The following MAP2K1 variants were observed in gnomAD, a reference collection of about 807,000 sequenced individuals.
The protein encoded by MAP2K1 is dual specificity mitogen-activated protein kinase kinase 1.
In MAP2K1, 16 loss-of-function variants were observed where a neutral mutation model predicts 46.3. The ratio of observed to expected loss-of-function variants is 0.35; its 90% CI spans 0.23 to 0.52. MAP2K1 has a LOEUF of 0.52. Ranked by LOEUF, MAP2K1 falls within the 20% of genes least tolerant of loss-of-function variation. MAP2K1 has a pLI of 0.94. For synonymous variants in MAP2K1, 183 were observed against 185.6 expected, an observed-to-expected ratio of 0.99 and a Z score of 0.11; for missense variants, 263 against 497.1, an observed-to-expected ratio of 0.53 and a Z score of 4.48.
In MAP2K1 at chr15:66,482,187, T is replaced by C. The variant is rs529627855; in HGVS notation, c.693+308T>C. On this transcript the variant is annotated intron_variant, in intron 6 of 10. Coordinates refer to ENST00000307102, the MANE Select transcript of MAP2K1 (RefSeq NM_002755.4). ...CCCTCTGGGCATCTCTACATGATAGTCTTCAGATCCACAAACCCAGGATGC... is the reference window on the plus strand; with the variant it reads ...CCCTCTGGGCATCTCTACATGATAGCCTTCAGATCCACAAACCCAGGATGC... Among the ~76,000 whole-genome samples the C allele has an allele frequency of 2.0e-5, 3 of 152,276 alleles. No individual in the cohort carries two copies. The East Asian group carries it at 5.8e-4, about 29-fold the overall frequency.
At chr15:66,487,695 GCAC>G (rs1277623424) in intron 8 of MAP2K1, among the ~76,000 whole-genome samples, 2 of 152,116 alleles carry the variant, frequency 1.3e-5, no homozygotes, top group African/African-American at 2.4e-5. Flanking sequence ...TTTATACTAA[GCAC>G]CATGGGCTGT....
intron 1 of MAP2K1, among the ~76,000 whole-genome samples, chr15:66,427,153 A>C (rs764764842): frequency 6.6e-4 from 100 of 152,252 alleles, no homozygotes; most frequent in Non-Finnish European, 1.3e-3. Context: ...AATAAGTAAA[A>C]AGTGGTTGTA....
chr15:66,429,712 G>A (rs916895131), intron 1 of MAP2K1, among the ~76,000 whole-genome samples: 11 of 141,724 alleles, frequency 7.8e-5, no homozygotes, highest in African/African-American at 2.4e-4. Flanking sequence ...AGCCTGGGGT[G>A]GAATCTGGAA....
chr15:66,402,694 C>G (rs1173355921), intron 1 of MAP2K1, among the ~76,000 whole-genome samples: 1 of 151,856 alleles, frequency 6.6e-6, no homozygotes, highest in African/African-American at 2.4e-5. Flanking sequence ...TCCATCTCGA[C>G]TATGGTTTGT....
intron 1 of MAP2K1, among the ~76,000 whole-genome samples, chr15:66,416,426 C>T (rs1183640248): frequency 6.6e-6 from 1 of 151,952 alleles, no homozygotes; most frequent in East Asian, 1.9e-4. Flanking sequence ...TTGTTGTCTT[C>T]ATAGCCTAGC....
chr15:66,487,810 C>T (rs751950435), intron 8 of MAP2K1, among the ~76,000 whole-genome samples: 1 of 152,046 alleles, frequency 6.6e-6, no homozygotes, highest in Non-Finnish European at 1.5e-5. Flanking sequence ...CCATCCTCTA[C>T]TGCTGGGGAC....
In MAP2K1 at chr15:66,387,084, G is replaced by T. The variant is rs545081204; in HGVS notation, c.-264G>T. The stretch of plus-strand genomic sequence containing the variant: ...GGAATCCCGGGCTGCCGAACCGCAC[G>T]TTCAGCCCGCTCCGCTCCTGCAGGG... On this transcript the variant is annotated 5_prime_UTR_variant, in exon 1 of 11. Coordinates refer to ENST00000307102, the MANE Select transcript of MAP2K1 (RefSeq NM_002755.4). 1.2e-4 allele frequency: 47 copies of T among 398,512 alleles called. No homozygotes were observed. The East Asian group carries it at 1.9e-3, about 16-fold the overall frequency. The allele number at this position is 398,512 out of a possible 1,614,324, so 24.7% of individuals were successfully genotyped here. A position where few individuals can be genotyped will look rare whatever the true frequency, so the allele number is the denominator to read the frequency against.
chr15:66,402,026 T>C, intron 1 of MAP2K1: 1 of 1,324,640 alleles, frequency 7.5e-7, no homozygotes, highest in Non-Finnish European at 9.9e-7. Flanking sequence ...TTCTGATCAT[T>C]TTAAAGTATT....
At chr15:66,428,878 C>T (rs1052727953) in intron 1 of MAP2K1, among the ~76,000 whole-genome samples, 39 of 143,886 alleles carry the variant, frequency 2.7e-4, no homozygotes, top group African/African-American at 1.0e-3. Context: ...CTCCCAGGCT[C>T]TGGTAATTCT....
At chr15:66,404,122 C>A (rs924441135) in intron 1 of MAP2K1, among the ~76,000 whole-genome samples, 3 of 152,204 alleles carry the variant, frequency 2.0e-5, no homozygotes, top group African/African-American at 7.2e-5. Flanking sequence ...TCCTGCTAAT[C>A]AGGCACTCAT....
At position 66,484,905 on chromosome 15, in the gene MAP2K1, G is replaced by A. The variant is rs1490773158; in HGVS notation, c.694-85G>A. 9.7e-6 allele frequency: 11 copies of A among 1,132,740 alleles called. No homozygotes were observed. The East Asian group carries it at 2.6e-4, about 26-fold the overall frequency. 70.2% of individuals were successfully genotyped at this position (1,132,740 alleles called of 1,614,324 possible). On this transcript the variant is annotated intron_variant, in intron 6 of 10. Coordinates refer to ENST00000307102, the MANE Select transcript of MAP2K1 (RefSeq NM_002755.4). ...CTCTTGAAACAGGATATGAACTATTGAGAAGGGACAGAAGAGAAAATGCAT... is the reference window on the plus strand; with the variant it reads ...CTCTTGAAACAGGATATGAACTATTAAGAAGGGACAGAAGAGAAAATGCAT...
chr15:66,459,426 G>T (rs1892258433), intron 5 of MAP2K1, among the ~76,000 whole-genome samples: 1 of 151,788 alleles, frequency 6.6e-6, no homozygotes, highest in Non-Finnish European at 1.5e-5. Flanking sequence ...AAAACAGCTT[G>T]ACCAACATGG....
chr15:66,416,450 A>G (rs2093424869), intron 1 of MAP2K1, among the ~76,000 whole-genome samples: 1 of 151,816 alleles, frequency 6.6e-6, no homozygotes, highest in Non-Finnish European at 1.5e-5. Context: ...TAGTATACAT[A>G]GTGCTTGTCA....
chr15:66,480,405 C>T (rs1057337570), intron 5 of MAP2K1, among the ~76,000 whole-genome samples: 27 of 151,964 alleles, frequency 1.8e-4, no homozygotes, highest in African/African-American at 6.5e-4. Context: ...TTCAATTTGT[C>T]CTTGGAAAGA....
At chr15:66,453,874 C>CT (rs1349874267) in intron 5 of MAP2K1, among the ~76,000 whole-genome samples, 1 of 152,162 alleles carries the variant, frequency 6.6e-6, no homozygotes, top group East Asian at 1.9e-4. Flanking sequence ...TCATGGCTCA[C>CT]TATAGCCTTG....
intron 3 of MAP2K1, among the ~76,000 whole-genome samples, chr15:66,439,560 A>C (rs560090650): frequency 4.6e-5 from 7 of 152,192 alleles, no homozygotes; most frequent in South Asian, 2.1e-4. Context: ...TGAGGTCAGG[A>C]GTTCGAGACC....
At chr15:66,396,495 C>T (rs187303940) in intron 1 of MAP2K1, among the ~76,000 whole-genome samples, 2 of 151,944 alleles carry the variant, frequency 1.3e-5, no homozygotes, top group African/African-American at 4.8e-5. Flanking sequence ...GTCTCGAACT[C>T]CTGACCTCAG....
chr15:66,441,710 A>G (rs959652849), intron 3 of MAP2K1, among the ~76,000 whole-genome samples: 1 of 151,444 alleles, frequency 6.6e-6, no homozygotes, highest in Non-Finnish European at 1.5e-5. Context: ...CTCCCTAAGG[A>G]GAGAGTGTGT....
At chr15:66,393,980 C>T (rs1006368265) in intron 1 of MAP2K1, among the ~76,000 whole-genome samples, 34 of 152,172 alleles carry the variant, frequency 2.2e-4, no homozygotes, top group Non-Finnish European at 3.4e-4. Flanking sequence ...GATGTTACAT[C>T]GTGTATAAGT....
Sources: gnomAD v4.1 joint callset for allele counts (sites outside exome capture counted in the v4.1 genomes callset) on GRCh38, gnomAD v4.1.1 for gene constraint, MANE v1.5 for transcripts, NCBI Gene and HGNC (gene_info 2026-07-23, HGNC 2026-07-21) for gene names.